NEK11: variants seen among roughly 807,000 people sequenced by gnomAD.
The protein encoded by NEK11 is serine/threonine-protein kinase Nek11.
Under a neutral mutation model 80.7 loss-of-function variants are expected in NEK11, and 72 were observed. The ratio of observed to expected loss-of-function variants is 0.89; its 90% CI spans 0.74 to 1.08. The LOEUF (loss-of-function observed/expected upper bound fraction) is 1.08. Ranked by LOEUF, NEK11 falls within the 50% of genes least tolerant of loss-of-function variation. The pLI, the probability that NEK11 is intolerant of heterozygous loss-of-function variation, is 0.00. For synonymous variants in NEK11, 251 were observed against 260.7 expected (o/e 0.96, Z 0.36); for missense variants, 764 against 763.6 (o/e 1.00, Z -0.01).
intron 14 of NEK11, among the ~76,000 whole-genome samples, chr3:131,175,633 C>CT (rs919143743): frequency 6.6e-6 from 1 of 151,888 alleles, no homozygotes; most frequent in Non-Finnish European, 1.5e-5. Context: ...ACATGGAAAC[C>CT]TTTTTTTGTG....
chr3:131,064,803 G>C (rs1451141081), intron 3 of NEK11, among the ~76,000 whole-genome samples: 1 of 152,008 alleles, frequency 6.6e-6, no homozygotes, highest in Non-Finnish European at 1.5e-5. Flanking sequence ...TTATGGACCA[G>C]TCAGGCAAAC....
At chr3:131,229,142 A>G (rs928905177) in intron 15 of NEK11, among the ~76,000 whole-genome samples, 1 of 152,164 alleles carries the variant, frequency 6.6e-6, no homozygotes, top group Non-Finnish European at 1.5e-5. Context: ...AGAACCAAAG[A>G]TCCTGGGCTT....
chr3:131,287,437 CTAATTTTT>C (rs2096487148), intron 17 of NEK11, among the ~76,000 whole-genome samples: 1 of 152,086 alleles, frequency 6.6e-6, no homozygotes, highest in African/African-American at 2.4e-5. Context: ...CCACGCCTGG[CTAATTTTT>C]ACATTTTTAG....
chr3:131,336,504 C>G (rs551899584), intron 17 of NEK11, among the ~76,000 whole-genome samples: 1 of 152,238 alleles, frequency 6.6e-6, no homozygotes, highest in Non-Finnish European at 1.5e-5. Flanking sequence ...AGACCTGAAA[C>G]CATAAAAACC....
rs869304359 is a variant in NEK11 at position 131,272,463 on chromosome 3, C to CTTTTTTTTTTTTTTTT, written c.1622-1000_1622-985dup. Among the ~76,000 whole-genome samples, 95 of 43,896 alleles carry CTTTTTTTTTTTTTTTT rather than the reference C, an allele frequency of 2.2e-3. 14 individuals are homozygous for CTTTTTTTTTTTTTTTT. The highest frequency in any genetic ancestry group is 4.7e-3 in the East Asian group (5 of 1,068). The allele number at this position is 43,896 out of a possible 152,430, so 28.8% of individuals were successfully genotyped here. On this transcript the variant is annotated intron_variant, in intron 16 of 17. Coordinates refer to ENST00000383366, the MANE Select transcript of NEK11 (RefSeq NM_024800.5). ...CTTGCTAATGGGCCAGTTTTAGCTT[C>CTTTTTTTTTTTTTTTT]TTTTTTTTTTTTTTTTTTTTTTTTT...
At chr3:131,203,737 GTA>G (rs1298316929) in intron 14 of NEK11, among the ~76,000 whole-genome samples, 1,873 of 114,224 alleles carry the variant, frequency 0.016, 93 homozygotes, top group East Asian at 0.094. Flanking sequence ...TTATATATGT[GTA>G]TATATATATG....
intron 17 of NEK11, among the ~76,000 whole-genome samples, chr3:131,339,752 G>C (rs1424781181): frequency 1.3e-5 from 2 of 152,144 alleles, no homozygotes; most frequent in African/African-American, 4.8e-5. Flanking sequence ...ATCATTAGTA[G>C]GCACCTGGAA....
chr3:131,081,321 G>A (rs2075236206), intron 4 of NEK11, among the ~76,000 whole-genome samples: 1 of 152,162 alleles, frequency 6.6e-6, no homozygotes, highest in East Asian at 1.9e-4. Flanking sequence ...TTTGGAAATG[G>A]AAATATGGCT....
intron 17 of NEK11, among the ~76,000 whole-genome samples, chr3:131,348,589 T>A (rs956836431): frequency 1.3e-5 from 2 of 151,438 alleles, no homozygotes; most frequent in African/African-American, 4.9e-5. Context: ...AAACAAAACA[T>A]GTTATGGACC....
chr3:131,132,215 G>T (rs1383720417), intron 5 of NEK11, among the ~76,000 whole-genome samples: 3 of 151,624 alleles, frequency 2.0e-5, no homozygotes, highest in Non-Finnish European at 4.4e-5. Flanking sequence ...CGGCATTTTA[G>T]TTTTTTTATG....
chr3:131,227,367 C>A (rs2095229745), intron 14 of NEK11, among the ~76,000 whole-genome samples: 1 of 152,054 alleles, frequency 6.6e-6, no homozygotes, highest in Non-Finnish European at 1.5e-5. Flanking sequence ...TTGTATGAAA[C>A]TTCCCTGCAT....
intron 17 of NEK11, among the ~76,000 whole-genome samples, chr3:131,280,111 G>C (rs944823028): frequency 6.6e-6 from 1 of 152,150 alleles, no homozygotes; most frequent in African/African-American, 2.4e-5. Flanking sequence ...CTGAGAATCT[G>C]GGGGAGCTTC....
At chr3:131,229,227 T>A (rs2095280641) in intron 15 of NEK11, among the ~76,000 whole-genome samples, 1 of 152,194 alleles carries the variant, frequency 6.6e-6, no homozygotes, top group Admixed American at 6.5e-5. Flanking sequence ...TCTGAGTATA[T>A]GCCCTATGCC....
At chr3:131,084,002 A>G (rs2075655199) in intron 4 of NEK11, among the ~76,000 whole-genome samples, 1 of 152,060 alleles carries the variant, frequency 6.6e-6, no homozygotes, top group African/African-American at 2.4e-5. Flanking sequence ...TCCTAGTCCC[A>G]CATCTTCAAA....
chr3:131,288,235 AT>A (rs1165261082), intron 17 of NEK11, among the ~76,000 whole-genome samples: 6 of 152,018 alleles, frequency 3.9e-5, no homozygotes, highest in Admixed American at 3.9e-4. Context: ...GTATCATGCC[AT>A]GTTTTCAGGT....
chr3:131,213,150 G>T (rs1446393908), intron 14 of NEK11, among the ~76,000 whole-genome samples: 1 of 151,856 alleles, frequency 6.6e-6, no homozygotes, highest in Non-Finnish European at 1.5e-5. Flanking sequence ...ATAATTGCGT[G>T]AATGTGAACC....
chr3:131,279,792 A>G (rs2096366289), intron 17 of NEK11, among the ~76,000 whole-genome samples: 2 of 152,338 alleles, frequency 1.3e-5, no homozygotes, highest in South Asian at 2.1e-4. Context: ...GCAATTTTGA[A>G]TAACTTCATT....
intron 4 of NEK11, chr3:131,088,115 C>T (rs1358290888): frequency 6.6e-6 from 1 of 152,228 alleles, no homozygotes; most frequent in Non-Finnish European, 1.5e-5. Flanking sequence ...TCGGGGCCCT[C>T]TGATTTTCCT....
chr3:131,188,184 C>T (rs960232433), intron 14 of NEK11, among the ~76,000 whole-genome samples: 2 of 152,082 alleles, frequency 1.3e-5, no homozygotes. Flanking sequence ...TTTGTGAGTT[C>T]ATGTCTCCAA....
Sources: allele counts gnomAD v4.1 joint callset (sites outside exome capture counted in the v4.1 genomes callset), GRCh38; gene constraint gnomAD v4.1.1; transcripts MANE v1.5; gene names NCBI Gene and HGNC (gene_info 2026-07-23, HGNC 2026-07-21).